DIS3L2: variants seen among roughly 807,000 people sequenced by gnomAD.
DIS3L2 encodes the protein DIS3-like exonuclease 2.
In DIS3L2, 34 loss-of-function variants were observed where a neutral mutation model predicts 97.5. The ratio of observed to expected loss-of-function variants is 0.35; its 90% CI spans 0.27 to 0.46. The LOEUF is 0.46. Among genes scored for constraint, DIS3L2 ranks in the 20% least tolerant of loss-of-function variants. The pLI, the probability that DIS3L2 is intolerant of heterozygous loss-of-function variation, is 1.00. For missense variants in DIS3L2, 1,038 were observed against 1,146.0 expected (o/e 0.91, Z 1.36); for synonymous variants, 435 against 445.2 (o/e 0.98, Z 0.29).
At chr2:232,343,172 T>C (rs1696151706) in intron 13 of DIS3L2, 2 of 653,874 alleles carry the variant, frequency 3.1e-6, no homozygotes, top group Non-Finnish European at 2.7e-6. Context: ...GACTGTTGAC[T>C]AGCTGCAGGC....
At position 232,343,098 on chromosome 2, in the gene DIS3L2, C is replaced by T. The variant is rs571039389; in HGVS notation, c.1582-247C>T. On this transcript the variant is annotated intron_variant, in intron 13 of 13. Transcript: ENST00000273009. ...TCCCCTCCATGTTCCCCGGCACTGCCGCCTACCCTGGGGTCTTCTGGAAGT... is the reference window on the plus strand; with the variant it reads ...TCCCCTCCATGTTCCCCGGCACTGCTGCCTACCCTGGGGTCTTCTGGAAGT... 21 of 470,476 alleles carry T rather than the reference C, an allele frequency of 4.5e-5. No individual in the cohort carries two copies. In the Admixed American group the frequency reaches 5.5e-4, roughly 12 times the overall value. The allele number at this position is 470,476 out of a possible 1,614,324, so 29.1% of individuals were successfully genotyped here.
intron 12 of DIS3L2, among the ~76,000 whole-genome samples, chr2:232,259,545 G>A (rs1693662637): frequency 6.6e-6 from 1 of 152,138 alleles, no homozygotes. Context: ...TGGGAACCTC[G>A]TGGAACTTGC....
chr2:232,146,122 A>G (rs1039809154), intron 8 of DIS3L2, among the ~76,000 whole-genome samples: 1 of 152,170 alleles, frequency 6.6e-6, no homozygotes, highest in Non-Finnish European at 1.5e-5. Flanking sequence ...TCAACATGGA[A>G]GTTATAAAGG....
chr2:232,206,067 A>G lies in DIS3L2; in HGVS notation c.1125-4259A>G, dbSNP rs572321200. Among the ~76,000 whole-genome samples the G allele has an allele frequency of 5.9e-5, 9 of 152,284 alleles. No homozygotes were observed. The East Asian group carries it at 1.3e-3, about 23-fold the overall frequency. The stretch of plus-strand genomic sequence containing the variant: ...AAGCCCCAAGTAGGACAAGGGCACC[A>G]TGGGAGGCCTGTGCAGGGCATTTCA... On this transcript the variant is annotated intron_variant, in intron 9 of 20. Coordinates refer to ENST00000325385, the MANE Select transcript of DIS3L2 (RefSeq NM_152383.5).
chr2:231,989,729 G>C (rs1233273733), intron 1 of DIS3L2, among the ~76,000 whole-genome samples: 1 of 152,078 alleles, frequency 6.6e-6, no homozygotes, highest in Non-Finnish European at 1.5e-5. Context: ...CCAGCTACTC[G>C]GGAGCTGAAG....
intron 1 of DIS3L2, among the ~76,000 whole-genome samples, chr2:231,980,425 G>A (rs1473228355): frequency 2.6e-5 from 4 of 151,980 alleles, no homozygotes; most frequent in Admixed American, 1.3e-4. Flanking sequence ...TAGGCTGGGC[G>A]CAGTGGCTCA....
At position 232,192,632 on chromosome 2, in the gene DIS3L2, A is replaced by T. The variant is rs901483466; in HGVS notation, c.1125-17694A>T. Among the ~76,000 whole-genome samples the T allele has an allele frequency of 1.8e-4, 27 of 152,272 alleles. 1 individual carries two copies. The highest frequency in any genetic ancestry group is 1.7e-3 in the Admixed American group (26 of 15,302). Reference sequence around the variant, plus strand: ...CGCGGCACCCTCCCTCTGCCTCCCCACACCTGGAGCTCTCTGAGCTCCCCC... The same window carrying T: ...CGCGGCACCCTCCCTCTGCCTCCCCTCACCTGGAGCTCTCTGAGCTCCCCC... On this transcript the variant is annotated intron_variant, in intron 9 of 20. Transcript: ENST00000325385.
intron 5 of DIS3L2, among the ~76,000 whole-genome samples, chr2:232,038,625 C>T (rs1008715081): frequency 2.6e-5 from 4 of 152,158 alleles, no homozygotes; most frequent in Admixed American, 1.3e-4. Flanking sequence ...TTGTTTCTCA[C>T]CCCCTTTATT....
At chr2:232,008,487 G>A (rs1694111440) in intron 1 of DIS3L2, among the ~76,000 whole-genome samples, 1 of 152,156 alleles carries the variant, frequency 6.6e-6, no homozygotes, top group Admixed American at 6.5e-5. Context: ...CCCTGTGGAG[G>A]TAGAAAATAA....
At chr2:232,140,470 A>G (rs1431790978) in intron 8 of DIS3L2, among the ~76,000 whole-genome samples, 8 of 152,196 alleles carry the variant, frequency 5.3e-5, no homozygotes, top group Non-Finnish European at 8.8e-5. Flanking sequence ...ATCAAGCTAG[A>G]AAACACACAA....
chr2:232,169,588 A>G (rs550970441), intron 9 of DIS3L2, among the ~76,000 whole-genome samples: 4 of 152,290 alleles, frequency 2.6e-5, no homozygotes, highest in African/African-American at 7.2e-5. Context: ...CATTTTAGTG[A>G]TAGTCCATGT....
intron 1 of DIS3L2, among the ~76,000 whole-genome samples, chr2:231,969,686 T>G (rs1692837329): frequency 6.6e-6 from 1 of 152,252 alleles, no homozygotes; most frequent in South Asian, 2.1e-4. Flanking sequence ...GTTTTAATTC[T>G]TCCTTTCCAG....
rs529333200 is a variant in DIS3L2, at chr2:232,087,638, G to A, written c.518G>A (p.Ser173Asn). ...ATTGTAGAGGCTCAGTTTGATGGCA[G>A]CGACTCAGAAGATGGACATGGCATC... ...DVIVEAQFDG[S>N]DSEDGHGITQ... The change falls in exon 6 of 21, where the codon AGC becomes AAC. Residue 173 changes from serine to asparagine, a missense_variant. Ser to Asn is a conservative substitution (Grantham distance 46). Transcript: ENST00000325385. 2 of 1,614,190 alleles carry A rather than the reference G, an allele frequency of 1.2e-6. No homozygotes were observed. Among genetic ancestry groups the A allele is most frequent in the South Asian group, 1.1e-5 (1 of 91,080 alleles).
At chr2:232,016,555 G>A (rs1201438973) in intron 3 of DIS3L2, among the ~76,000 whole-genome samples, 10 of 152,090 alleles carry the variant, frequency 6.6e-5, no homozygotes, top group Admixed American at 6.6e-4. Flanking sequence ...TCTAGTTTGG[G>A]CCTATCAGAT....
intron 10 of DIS3L2, among the ~76,000 whole-genome samples, chr2:232,228,745 G>T (rs980634462): frequency 2.0e-5 from 3 of 152,080 alleles, no homozygotes; most frequent in Admixed American, 1.3e-4. Flanking sequence ...TTTTGTTGGT[G>T]TGTTTTATTC....
At chr2:232,046,508 A>G (rs1695248414) in intron 5 of DIS3L2, among the ~76,000 whole-genome samples, 1 of 152,248 alleles carries the variant, frequency 6.6e-6, no homozygotes, top group Non-Finnish European at 1.5e-5. Flanking sequence ...AAGGAGGAAC[A>G]TATATATGAC....
At chr2:232,200,963 C>T (rs1212741622) in intron 9 of DIS3L2, among the ~76,000 whole-genome samples, 3 of 151,910 alleles carry the variant, frequency 2.0e-5, no homozygotes, top group Admixed American at 1.3e-4. Flanking sequence ...TTAGAAGAGA[C>T]GGAGTTTCAC....
At chr2:232,139,741 C>T (rs1480563461) in intron 8 of DIS3L2, among the ~76,000 whole-genome samples, 1 of 152,130 alleles carries the variant, frequency 6.6e-6, no homozygotes, top group Non-Finnish European at 1.5e-5. Flanking sequence ...TAAAAGATCA[C>T]TCTGACTGAG....
chr2:232,281,273 C>T lies in DIS3L2; in HGVS notation c.1659+17833C>T, dbSNP rs1234670141. ...AATTAGCCGGGCGTGGTGGCGGGCG[C>T]CTGTGGTCCCAGCTATTTGGGAGGC... On this transcript the variant is annotated intron_variant, in intron 13 of 20. Coordinates refer to ENST00000325385, the MANE Select transcript of DIS3L2 (RefSeq NM_152383.5). The surrounding 1 kb of genome is among the most constrained non-coding windows in gnomAD (Gnocchi z 4.1). Among the ~76,000 whole-genome samples, 1 of 152,122 alleles carries T rather than the reference C, an allele frequency of 6.6e-6. No individual in the cohort carries two copies. The highest frequency in any genetic ancestry group is 1.5e-5 in the Non-Finnish European group (1 of 68,016).
Sources: gnomAD v4.1 joint callset for allele counts (sites outside exome capture counted in the v4.1 genomes callset) on GRCh38, gnomAD v4.1.1 for gene constraint, Gnocchi (gnomAD v3.1) non-coding constraint, MANE v1.5 for transcripts, NCBI Gene and HGNC (gene_info 2026-07-23, HGNC 2026-07-21) for gene names.